The following RPP30 variants were observed in gnomAD, a reference collection of about 807,000 sequenced individuals.
RPP30 encodes the protein ribonuclease P protein subunit p30.
RPP30 carries 36 observed loss-of-function variants against 38.6 expected under a neutral mutation model. The observed-to-expected ratio is 0.93, with a 90% CI of 0.71 to 1.23. RPP30 has a LOEUF of 1.23. RPP30 is among the 50% of genes most tolerant of loss of function. RPP30 has a pLI of 0.00. For missense variants in RPP30, 321 were observed against 321.7 expected (o/e 1.00, Z 0.02); for synonymous variants, 126 against 112.7 (o/e 1.12, Z -0.75).
At chr10:90,874,762 C>G (rs1846828605) in intron 1 of RPP30, 107 bp from the exon 2 acceptor site, 1 of 607,766 alleles carries the variant, frequency 1.6e-6, no homozygotes, top group Admixed American at 3.0e-5. Context: ...TTCATAACCA[C>G]TCCTCAAATG....
At chr10:90,884,114 G>A (rs913199853) in intron 5 of RPP30, among the ~76,000 whole-genome samples, 3 of 152,110 alleles carry the variant, frequency 2.0e-5, no homozygotes, top group South Asian at 2.1e-4. Flanking sequence ...GTAAAATTGA[G>A]GGATGTTTAA....
intron 6 of RPP30, among the ~76,000 whole-genome samples, chr10:90,889,541 G>A (rs12776459): frequency 0.061 from 9,272 of 151,878 alleles, 391 homozygotes; most frequent in East Asian, 0.11. Context: ...TTGAACTCCT[G>A]ACCTCAAGTG....
Position 90,874,875 on chromosome 10 carries a change from A to G in RPP30, c.89A>G (p.Tyr30Cys). Residue 30 changes from tyrosine to cysteine, a missense_variant, in exon 2 of 11, where the codon TAT becomes TGT. Transcript: ENST00000371703. Reference protein sequence around the residue: ...GLVETAAHLGYSVVAINHIVD... With the variant: ...GLVETAAHLGCSVVAINHIVD... ...TTCAATTTTTCTTTTTCAGTTGGCT[A>G]TTCAGTTGTTGCTATCAATCATATC... 1.3e-6 allele frequency: 2 copies of G among 1,595,990 alleles called. No individual in the cohort carries two copies. The highest frequency in any genetic ancestry group is 1.7e-6 in the Non-Finnish European group (2 of 1,168,794).
At chr10:90,881,511 G>T (rs926483719) in intron 5 of RPP30, among the ~76,000 whole-genome samples, 13 of 152,208 alleles carry the variant, frequency 8.5e-5, no homozygotes, top group Non-Finnish European at 2.9e-5. Flanking sequence ...AAAGCACAAA[G>T]TATTGACTTT....
chr10:90,875,103 T>A (rs1328297670), intron 2 of RPP30, among the ~76,000 whole-genome samples, 179 bp downstream of exon 2: 1 of 152,210 alleles, frequency 6.6e-6, no homozygotes, highest in Non-Finnish European at 1.5e-5. Flanking sequence ...ATGATGATTT[T>A]TGTGAGGTAA....
chr10:90,903,456 C>G (rs1221011898), downstream of RPP30, among the ~76,000 whole-genome samples: 1 of 152,174 alleles, frequency 6.6e-6, no homozygotes, highest in African/African-American at 2.4e-5. Flanking sequence ...GCAGATACGA[C>G]TGTCTTGGAA....
rs529376698 is a variant in RPP30 at position 90,875,634 on chromosome 10, C to T, written c.195+20C>T. 33 of 1,597,052 alleles carry T rather than the reference C, an allele frequency of 2.1e-5. No homozygotes were observed. Among genetic ancestry groups the T allele is most frequent in the South Asian group, 1.5e-4 (14 of 90,722 alleles). ...GTACAGGTAGGTGTTTTGTTGTTTA[C>T]GAAGCATAATATCTATTTATTCAGT... is the stretch of plus-strand genomic sequence containing the variant. On this transcript the variant is annotated intron_variant, in intron 3 of 10. Transcript: ENST00000371703.
intron 6 of RPP30, among the ~76,000 whole-genome samples, chr10:90,886,697 G>A (rs1290171327): frequency 1.3e-5 from 2 of 152,122 alleles, no homozygotes; most frequent in African/African-American, 2.4e-5. Context: ...CTAGTCTCCT[G>A]TTCTCAAAAA....
Position 90,885,831 on chromosome 10 carries a change from A to G in RPP30, c.362A>G (p.Asp121Gly). 2 of 1,609,978 alleles carry G rather than the reference A, an allele frequency of 1.2e-6. No homozygotes were observed. The highest frequency in any genetic ancestry group is 1.7e-6 in the Non-Finnish European group (2 of 1,178,570). ...KLFHIACTHL[D>G]VDLVCITVTE... is the part of the protein sequence containing the mutation. ...TTACAGATTGCTTGCACACATTTAG[A>G]TGTGGATTTAGTCTGCATAACTGTA... Residue 121 changes from aspartate (D) to glycine (G), a missense_variant, in exon 6 of 11, where the codon GAT becomes GGT. Coordinates refer to ENST00000371703, the MANE Select transcript of RPP30 (RefSeq NM_006413.5).
chr10:90,885,065 C>T (rs1331391860), intron 5 of RPP30, among the ~76,000 whole-genome samples: 1 of 152,094 alleles, frequency 6.6e-6, no homozygotes, highest in East Asian at 1.9e-4. Context: ...CCCTGATTTT[C>T]CATTTATCCT....
In RPP30 at chr10:90,875,504, G is replaced by T. The variant is rs375252926; in HGVS notation, c.139-54G>T. On this transcript the variant is annotated intron_variant, in intron 2 of 10. Transcript: ENST00000371703. ...GAACACCTCGTAATTTTTCCATTATGCCTTGTGCTATTAATGGATACAATC... is the reference window on the plus strand; with the variant it reads ...GAACACCTCGTAATTTTTCCATTATTCCTTGTGCTATTAATGGATACAATC... 4.4e-5 allele frequency: 60 copies of T among 1,373,594 alleles called. No individual in the cohort carries two copies. The Middle Eastern group carries it at 3.5e-3, about 80-fold the overall frequency. 85.1% of individuals were successfully genotyped at this position (1,373,594 alleles called of 1,614,324 possible).
intron 10 of RPP30, among the ~76,000 whole-genome samples, chr10:90,900,181 A>C (rs960496727): frequency 1.3e-5 from 2 of 152,234 alleles, no homozygotes; most frequent in Non-Finnish European, 2.9e-5. Context: ...AAAATGAGGC[A>C]AGCATGTGCT....
intron 2 of RPP30, 37 bp from the exon 3 acceptor site, chr10:90,875,521 G>A (rs778485737): frequency 3.2e-6 from 5 of 1,556,438 alleles, no homozygotes; most frequent in Non-Finnish European, 4.4e-6. Flanking sequence ...GCTATTAATG[G>A]ATACAATCTG....
intron 6 of RPP30, among the ~76,000 whole-genome samples, chr10:90,893,360 C>T (rs1377418977): frequency 1.3e-5 from 2 of 152,156 alleles, no homozygotes; most frequent in African/African-American, 4.8e-5. Context: ...CCAACTTATA[C>T]TCTGGGCAAT....
chr10:90,890,393 A>T (rs1281656306), intron 6 of RPP30, among the ~76,000 whole-genome samples: 3 of 152,132 alleles, frequency 2.0e-5, no homozygotes, highest in Non-Finnish European at 1.5e-5. Flanking sequence ...AAGCTTATTG[A>T]GTTATTTTAA....
At chr10:90,895,238 A>C (rs1478432550) in intron 7 of RPP30, 1 of 495,236 alleles carries the variant, frequency 2.0e-6, no homozygotes, top group African/African-American at 2.0e-5. Flanking sequence ...CTTTACTAAG[A>C]TCTGTTAGGA....
chr10:90,896,251 T>A, intron 9 of RPP30, 62 bp from the exon 10 acceptor site: 1 of 1,436,820 alleles, frequency 7.0e-7, no homozygotes, highest in Non-Finnish European at 9.8e-7. Context: ...CTTTCTGTTA[T>A]GTTTGTGTTA....
intron 7 of RPP30, chr10:90,895,098 G>A: frequency 1.6e-6 from 1 of 608,526 alleles, no homozygotes; most frequent in African/African-American, 1.9e-5. Context: ...AAGATGTGTT[G>A]GAAGCCATAT....
chr10:90,894,516 C>T (rs931178950), intron 6 of RPP30, among the ~76,000 whole-genome samples: 11 of 152,170 alleles, frequency 7.2e-5, no homozygotes, highest in Admixed American at 5.9e-4. Context: ...TCTTCTTAGC[C>T]TCTTCATAAT....
Sources: gnomAD v4.1 joint callset for allele counts (sites outside exome capture counted in the v4.1 genomes callset) on GRCh38, gnomAD v4.1.1 for gene constraint, MANE v1.5 for transcripts, NCBI Gene and HGNC (gene_info 2026-07-23, HGNC 2026-07-21) for gene names.